PIP4K2A: variants seen among roughly 807,000 people sequenced by gnomAD.
The protein encoded by PIP4K2A is phosphatidylinositol 5-phosphate 4-kinase type-2 alpha.
In PIP4K2A, 14 loss-of-function variants were observed where a neutral mutation model predicts 42.9. The ratio of observed to expected loss-of-function variants is 0.33; its 90% CI spans 0.22 to 0.51. The LOEUF (loss-of-function observed/expected upper bound fraction) is 0.51. Ranked by LOEUF, PIP4K2A falls within the 20% of genes least tolerant of loss-of-function variation. PIP4K2A has a pLI of 0.97. For missense variants in PIP4K2A, 434 were observed against 519.8 expected (o/e 0.83, Z 1.61); for synonymous variants, 192 against 192.2 (o/e 1.00, Z 0.01).
At chr10:22,547,100 G>T (rs146051795) in intron 7 of PIP4K2A, among the ~76,000 whole-genome samples, 4 of 152,004 alleles carry the variant, frequency 2.6e-5, no homozygotes, top group African/African-American at 7.3e-5. Context: ...AGATCTTTAC[G>T]AGTCTAAGAC....
chr10:22,598,895 C>T (rs1837689658), intron 3 of PIP4K2A, among the ~76,000 whole-genome samples: 1 of 152,166 alleles, frequency 6.6e-6, no homozygotes, highest in Non-Finnish European at 1.5e-5. Context: ...CAAAAATACA[C>T]TTTCTTCATT....
chr10:22,683,871 AC>A (rs2130885153), intron 1 of PIP4K2A, among the ~76,000 whole-genome samples: 1 of 150,902 alleles, frequency 6.6e-6, no homozygotes, highest in South Asian at 2.1e-4. Context: ...ACACACACAC[AC>A]ACAATTCAAA....
At chr10:22,681,097 G>A (rs1235342227) in intron 1 of PIP4K2A, among the ~76,000 whole-genome samples, 1 of 152,134 alleles carries the variant, frequency 6.6e-6, no homozygotes, top group Non-Finnish European at 1.5e-5. Flanking sequence ...CCCTAGAAAT[G>A]TACTGCCCCA....
intron 1 of PIP4K2A, among the ~76,000 whole-genome samples, chr10:22,647,157 C>G (rs1190667537): frequency 6.6e-6 from 1 of 152,128 alleles, no homozygotes; most frequent in Non-Finnish European, 1.5e-5. Flanking sequence ...TTCGTAACTA[C>G]TATTATTATT....
rs894862826 is a variant in PIP4K2A, at chr10:22,604,684, T to C, written c.339+3243A>G. Among the ~76,000 whole-genome samples, 4 of 152,216 alleles carry C rather than the reference T, an allele frequency of 2.6e-5. No individual in the cohort carries two copies. The South Asian group carries it at 6.2e-4, about 24-fold the overall frequency. ...AGAAAGAGAGTTGGTTTTTTTCCGA[T>C]ATACGCAGTCTTCAGCAGCCAGTAC... On this transcript the variant is annotated intron_variant, in intron 3 of 9. Transcript: ENST00000376573.
chr10:22,629,685 A>G (rs1838511071), intron 1 of PIP4K2A, among the ~76,000 whole-genome samples: 1 of 152,222 alleles, frequency 6.6e-6, no homozygotes, highest in Admixed American at 6.5e-5. Context: ...CTTGTTGACT[A>G]AATTAGCTAA....
chr10:22,589,618 A>C (rs964223664), intron 4 of PIP4K2A, among the ~76,000 whole-genome samples: 8 of 152,260 alleles, frequency 5.3e-5, no homozygotes, highest in African/African-American at 1.9e-4. Context: ...AAAGATTGGA[A>C]GAATAAGCAA....
intron 1 of PIP4K2A, among the ~76,000 whole-genome samples, chr10:22,621,727 T>TA (rs1184756245): frequency 6.6e-6 from 1 of 152,218 alleles, no homozygotes; most frequent in African/African-American, 2.4e-5. Context: ...ACATCATTAA[T>TA]AAAACCTGTA....
chr10:22,644,359 C>T (rs536389962), intron 1 of PIP4K2A, among the ~76,000 whole-genome samples: 8 of 152,340 alleles, frequency 5.3e-5, no homozygotes, highest in South Asian at 4.1e-4. Context: ...CTGCAGATGG[C>T]GGCAAAGCCT....
At chr10:22,659,134 C>A (rs1426836710) in intron 1 of PIP4K2A, among the ~76,000 whole-genome samples, 1 of 152,220 alleles carries the variant, frequency 6.6e-6, no homozygotes, top group African/African-American at 2.4e-5. Flanking sequence ...GGACTGAATG[C>A]ACCCTGGTTC....
intron 1 of PIP4K2A, among the ~76,000 whole-genome samples, chr10:22,675,955 G>A (rs187229316): frequency 4.6e-5 from 7 of 152,340 alleles, no homozygotes; most frequent in African/African-American, 1.2e-4. Flanking sequence ...ACTGTGGCTA[G>A]TATTTCTCAA....
intron 1 of PIP4K2A, among the ~76,000 whole-genome samples, chr10:22,660,706 T>C (rs1158973638): frequency 1.3e-5 from 2 of 152,154 alleles, no homozygotes; most frequent in East Asian, 3.8e-4. Context: ...AAATATAGCC[T>C]TTCCTTACAT....
intron 3 of PIP4K2A, among the ~76,000 whole-genome samples, chr10:22,605,725 A>C (rs986898720): frequency 6.6e-6 from 1 of 152,162 alleles, no homozygotes; most frequent in Non-Finnish European, 1.5e-5. Flanking sequence ...TTATTAAAAC[A>C]AAACCCAGCC....
At chr10:22,665,098 C>T (rs1203482588) in intron 1 of PIP4K2A, among the ~76,000 whole-genome samples, 1 of 152,030 alleles carries the variant, frequency 6.6e-6, no homozygotes, top group Non-Finnish European at 1.5e-5. Context: ...CATATACAAA[C>T]ACACACACAT....
intron 9 of PIP4K2A, 50 bp downstream of exon 9, chr10:22,539,921 G>C (rs1836057198): frequency 1.0e-6 from 1 of 992,548 alleles, no homozygotes; most frequent in South Asian, 1.3e-5. Flanking sequence ...GGGAGAGAGA[G>C]AGAGAGAGAG....
chr10:22,621,410 A>G (rs1482165669), intron 1 of PIP4K2A, among the ~76,000 whole-genome samples: 1 of 152,270 alleles, frequency 6.6e-6, no homozygotes, highest in East Asian at 1.9e-4. Context: ...TTTTAGTCAG[A>G]TATTTAATAT....
intron 1 of PIP4K2A, among the ~76,000 whole-genome samples, chr10:22,635,386 A>G (rs1369946096): frequency 2.0e-5 from 3 of 152,220 alleles, no homozygotes; most frequent in African/African-American, 7.2e-5. Context: ...AGTTCTCTCA[A>G]TTTGTTGTGA....
intron 1 of PIP4K2A, among the ~76,000 whole-genome samples, chr10:22,641,525 T>C (rs772665375): frequency 1.2e-4 from 18 of 152,058 alleles, no homozygotes; most frequent in Non-Finnish European, 1.6e-4. Context: ...CACTGCAGCC[T>C]TGAACTCATG....
chr10:22,714,395 C>T lies in PIP4K2A; in HGVS notation c.-69G>A, dbSNP rs1426040304. On this transcript the variant is annotated 5_prime_UTR_variant, in exon 1 of 10. Coordinates refer to ENST00000376573, the MANE Select transcript of PIP4K2A (RefSeq NM_005028.5). ...GGGACCCGCCCTCTCTACACCCCGGCCCGGGGAGGCAGCCGCATCCCCCCG... is the reference window on the plus strand; with the variant it reads ...GGGACCCGCCCTCTCTACACCCCGGTCCGGGGAGGCAGCCGCATCCCCCCG... The T allele has an allele frequency of 2.6e-6, 3 of 1,154,294 alleles. No individual in the cohort carries two copies. In the Middle Eastern group the frequency reaches 7.9e-4, roughly 302 times the overall value. The allele number at this position is 1,154,294 out of a possible 1,614,324, so 71.5% of individuals were successfully genotyped here.
Sources: allele counts gnomAD v4.1 joint callset (sites outside exome capture counted in the v4.1 genomes callset), GRCh38; gene constraint gnomAD v4.1.1; transcripts MANE v1.5; gene names NCBI Gene and HGNC (gene_info 2026-07-23, HGNC 2026-07-21).